EPHA1: variants seen among roughly 807,000 people sequenced by gnomAD.
EPHA1 encodes the protein EPH receptor A1, also known as ephrin type-A receptor 1.
Under a neutral mutation model 110.1 loss-of-function variants are expected in EPHA1, and 92 were observed. The observed-to-expected ratio is 0.84, with a 90% CI of 0.71 to 0.99. The LOEUF is 0.99. EPHA1 is among the 50% of genes least tolerant of loss of function. The pLI, the probability that EPHA1 is intolerant of heterozygous loss-of-function variation, is 0.00. For missense variants in EPHA1, 1,204 were observed against 1,285.4 expected, an observed-to-expected ratio of 0.94 and a Z score of 0.97; for synonymous variants, 500 against 516.1, an observed-to-expected ratio of 0.97 and a Z score of 0.42.
In EPHA1 at chr7:143,398,073, G is replaced by C. The variant is rs779045504; in HGVS notation, c.1465-3C>G. 6.2e-7 allele frequency: 1 copy of C among 1,613,898 alleles called. No individual in the cohort carries two copies. The highest frequency in any genetic ancestry group is 1.7e-5 in the Admixed American group (1 of 60,012). On this transcript the variant is annotated splice_polypyrimidine_tract_variant and splice_region_variant and intron_variant, in intron 7 of 17. Coordinates refer to ENST00000275815, the MANE Select transcript of EPHA1 (RefSeq NM_005232.5). ...ACCATCTGGTACCGTTCTTCATCCT[G>C]TGGGTTGGAGTTGCATTAAGTGGGC...
chr7:143,404,003 G>T (rs1805484481), intron 2 of EPHA1, among the ~76,000 whole-genome samples: 1 of 152,108 alleles, frequency 6.6e-6, no homozygotes, highest in Non-Finnish European at 1.5e-5. Flanking sequence ...CTTTGCTAAT[G>T]ATGTTTTGAT....
At chr7:143,405,727 G>A (rs374085929) in intron 2 of EPHA1, among the ~76,000 whole-genome samples, 1 of 152,144 alleles carries the variant, frequency 6.6e-6, no homozygotes. Flanking sequence ...TATTAGGGCT[G>A]GATCTTCCAA....
At chr7:143,406,458 G>A (rs895481104) in intron 2 of EPHA1, among the ~76,000 whole-genome samples, 8 of 152,206 alleles carry the variant, frequency 5.3e-5, no homozygotes, top group Admixed American at 3.9e-4. Context: ...TGTAATAACC[G>A]TTATAGTAAG....
chr7:143,405,790 G>A (rs1225275603), intron 2 of EPHA1, among the ~76,000 whole-genome samples: 4 of 152,170 alleles, frequency 2.6e-5, no homozygotes, highest in Non-Finnish European at 5.9e-5. Flanking sequence ...TCTAATTACA[G>A]GCTACTCTGT....
At chr7:143,402,404 G>A (rs1197055756) in intron 2 of EPHA1, among the ~76,000 whole-genome samples, 1 of 151,934 alleles carries the variant, frequency 6.6e-6, no homozygotes, top group East Asian at 1.9e-4. Context: ...TTGTTTGTTT[G>A]AGGCAAAGGT....
At chr7:143,396,832 C>T (rs557673636) in intron 10 of EPHA1, among the ~76,000 whole-genome samples, 2 of 152,322 alleles carry the variant, frequency 1.3e-5, no homozygotes, top group South Asian at 4.1e-4. Context: ...AGTCACACCT[C>T]GTTCACATTC....
chr7:143,397,514 G>A lies in EPHA1; in HGVS notation c.1712+47C>T, dbSNP rs1805287365. ...AGGGTCGTTGGGGCTGCAGTCAGGGGCTTCTGACCCAGGGCTGGTGGTTGG... is the reference window on the plus strand; with the variant it reads ...AGGGTCGTTGGGGCTGCAGTCAGGGACTTCTGACCCAGGGCTGGTGGTTGG... On this transcript the variant is annotated intron_variant, in intron 9 of 17. Coordinates refer to ENST00000275815, the MANE Select transcript of EPHA1 (RefSeq NM_005232.5). 4 of 1,605,150 alleles carry A rather than the reference G, an allele frequency of 2.5e-6. No individual in the cohort carries two copies. In the African/African-American group the frequency reaches 4.0e-5, roughly 16 times the overall value.
At position 143,393,880 on chromosome 7, in the gene EPHA1, G is replaced by C; in HGVS notation, c.2503-16C>G. The C allele has an allele frequency of 6.5e-7, 1 of 1,531,018 alleles. No homozygotes were observed. Among genetic ancestry groups the C allele is most frequent in the Non-Finnish European group, 8.8e-7 (1 of 1,137,008 alleles). 94.8% of individuals were successfully genotyped at this position (1,531,018 alleles called of 1,614,324 possible). ...TCTTCATAACCTGCACGGCGGGACA[G>C]GAGGATGCTCTAGAGTAGCAAGCTA... On this transcript the variant is annotated splice_polypyrimidine_tract_variant and intron_variant, in intron 15 of 17. Coordinates refer to ENST00000275815, the MANE Select transcript of EPHA1 (RefSeq NM_005232.5). This position sits in a 1 kb window ranked among gnomAD's most constrained non-coding sequence, Gnocchi z 5.6.
chr7:143,393,691 G>A lies in EPHA1; in HGVS notation c.2676C>T (p.Thr892=). 1 of 1,613,802 alleles carries A rather than the reference G, an allele frequency of 6.2e-7. No homozygotes were observed. The highest frequency in any genetic ancestry group is 8.5e-7 in the Non-Finnish European group (1 of 1,179,954). ...QLLANPHSLR[T]IANFDPRMTL... ...GTTACCTGGGGTCAAAGTTGGCAAT[G>A]GTCCGCAGGGAGTGGGGGTTGGCAA... is the stretch of plus-strand genomic sequence containing the variant. The change falls in exon 16 of 18, where the codon ACC becomes ACT. Residue 892 remains threonine (T), a synonymous_variant. Transcript: ENST00000275815. The surrounding 1 kb of genome is among the most constrained non-coding windows in gnomAD (Gnocchi z 5.6).
In EPHA1 at chr7:143,393,993, G is replaced by A; in HGVS notation, c.2503-129C>T. The stretch of plus-strand genomic sequence containing the variant: ...GGAGGAGGTGGGAGGACCAGGGTGG[G>A]ACGATCACAGTGGGAGGATCAGGGT... On this transcript the variant is annotated intron_variant, in intron 15 of 17. Coordinates refer to ENST00000275815, the MANE Select transcript of EPHA1 (RefSeq NM_005232.5). This position sits in a 1 kb window ranked among gnomAD's most constrained non-coding sequence, Gnocchi z 5.6. 7.9e-7 allele frequency: 1 copy of A among 1,266,176 alleles called. No individual in the cohort carries two copies. The highest frequency in any genetic ancestry group is 1.1e-6 in the Non-Finnish European group (1 of 923,912). The allele number at this position is 1,266,176 out of a possible 1,614,324, so 78.4% of individuals were successfully genotyped here. A position where few individuals can be genotyped will look rare whatever the true frequency, so the allele number is the denominator to read the frequency against.
intron 16 of EPHA1, among the ~76,000 whole-genome samples, chr7:143,392,744 C>G (rs1371885100): frequency 6.6e-6 from 1 of 152,156 alleles, no homozygotes; most frequent in Non-Finnish European, 1.5e-5. Context: ...GAGTTCGAGA[C>G]CAGCTTGGCC....
rs1332017311 is a variant in EPHA1, at chr7:143,399,427, G to A, written c.836-14C>T. 2.3e-5 allele frequency: 36 copies of A among 1,564,978 alleles called. 1 individual carries two copies. The highest frequency in any genetic ancestry group is 2.2e-4 in the East Asian group (10 of 44,458). On this transcript the variant is annotated splice_polypyrimidine_tract_variant and intron_variant, in intron 4 of 17. Coordinates refer to ENST00000275815, the MANE Select transcript of EPHA1 (RefSeq NM_005232.5). ...CGCTAGGGCAGGCTGGAGAGAGAAC[G>A]CAGCAGAGCAGTGGTTCTGTAAATG...
chr7:143,401,251 C>A lies in EPHA1; in HGVS notation c.432+73G>T. On this transcript the variant is annotated intron_variant, in intron 3 of 17. Transcript: ENST00000275815. This position sits in a 1 kb window ranked among gnomAD's most constrained non-coding sequence, Gnocchi z 4.1. The stretch of plus-strand genomic sequence containing the variant: ...CTGCACCCTCTTCCTGTCTCTGCAA[C>A]CTTCTCTGGCACCCAATAAGGAGCC... The A allele has an allele frequency of 6.4e-7, 1 of 1,554,926 alleles. No homozygotes were observed. Among genetic ancestry groups the A allele is most frequent in the East Asian group, 2.3e-5 (1 of 44,396 alleles).
chr7:143,392,881 G>A (rs551445242), intron 16 of EPHA1, among the ~76,000 whole-genome samples: 151 of 152,250 alleles, frequency 9.9e-4, no homozygotes, highest in Middle Eastern at 6.8e-3. Flanking sequence ...GGTGGAGGCT[G>A]CAGTGAGCTG....
rs751565118 is a variant in EPHA1, at chr7:143,399,398, G to T, written c.851C>A (p.Ser284Tyr). 2 of 1,592,900 alleles carry T rather than the reference G, an allele frequency of 1.3e-6. No homozygotes were observed. The highest frequency in any genetic ancestry group is 1.7e-6 in the Non-Finnish European group (2 of 1,168,994). The change falls in exon 5 of 18, where the codon TCC becomes TAC. Residue 284 changes from serine to tyrosine, a missense_variant. Coordinates refer to ENST00000275815, the MANE Select transcript of EPHA1 (RefSeq NM_005232.5). ...GGGTGTGTCCATGTCCATCCGGTAGGAGCCGCTAGGGCAGGCTGGAGAGAG... is the reference window on the plus strand; with the variant it reads ...GGGTGTGTCCATGTCCATCCGGTAGTAGCCGCTAGGGCAGGCTGGAGAGAG... ...GEACVACPSG[S>Y]YRMDMDTPHC...
chr7:143,395,538 C>T lies in EPHA1; in HGVS notation c.1898-34G>A. Reference sequence around the variant, plus strand: ...AAAGAAAACAGGCTGTGGCCCGATGCACTGCAGGGCTCCTCCAGGGGACAG... The same window carrying T: ...AAAGAAAACAGGCTGTGGCCCGATGTACTGCAGGGCTCCTCCAGGGGACAG... On this transcript the variant is annotated intron_variant, in intron 11 of 17. Transcript: ENST00000275815. The surrounding 1 kb of genome is among the most constrained non-coding windows in gnomAD (Gnocchi z 4.7). 1 of 1,603,626 alleles carries T rather than the reference C, an allele frequency of 6.2e-7. No homozygotes were observed. Among genetic ancestry groups the T allele is most frequent in the Non-Finnish European group, 8.5e-7 (1 of 1,173,090 alleles).
chr7:143,396,869 C>T (rs1490501575), intron 10 of EPHA1, among the ~76,000 whole-genome samples: 1 of 152,172 alleles, frequency 6.6e-6, no homozygotes, highest in African/African-American at 2.4e-5. Context: ...ATGGCTCCCA[C>T]CCCAGCTGCC....
Position 143,397,864 on chromosome 7 carries a change from T to G in EPHA1, c.1615+56A>C, listed in dbSNP as rs1225375087. ...TCACTACGTGGAACAGGAGCTGAGT[T>G]GCCTCAGTGAGGCAACAGGTGTATG... On this transcript the variant is annotated intron_variant, in intron 8 of 17. Coordinates refer to ENST00000275815, the MANE Select transcript of EPHA1 (RefSeq NM_005232.5). 5.6e-6 allele frequency: 9 copies of G among 1,598,336 alleles called. No homozygotes were observed. In the East Asian group the frequency reaches 2.0e-4, roughly 36 times the overall value.
In EPHA1 at chr7:143,401,700, C is replaced by A; in HGVS notation, c.151-95G>T. 6.8e-7 allele frequency: 1 copy of A among 1,478,326 alleles called. No homozygotes were observed. The highest frequency in any genetic ancestry group is 9.2e-7 in the Non-Finnish European group (1 of 1,085,442). 91.6% of individuals were successfully genotyped at this position (1,478,326 alleles called of 1,614,324 possible). A position where few individuals can be genotyped will look rare whatever the true frequency, so the allele number is the denominator to read the frequency against. ...GATGGAGAAGCAGCTGTGTCAGAGCCCCTCAGGTTTATGCTACTTGTTCTG... is the reference window on the plus strand; with the variant it reads ...GATGGAGAAGCAGCTGTGTCAGAGCACCTCAGGTTTATGCTACTTGTTCTG... On this transcript the variant is annotated intron_variant, in intron 2 of 17. Coordinates refer to ENST00000275815, the MANE Select transcript of EPHA1 (RefSeq NM_005232.5). This position sits in a 1 kb window ranked among gnomAD's most constrained non-coding sequence, Gnocchi z 4.1.
Sources: allele counts gnomAD v4.1 joint callset (sites outside exome capture counted in the v4.1 genomes callset), GRCh38; gene constraint gnomAD v4.1.1; non-coding constraint Gnocchi (gnomAD v3.1); transcripts MANE v1.5; gene names NCBI Gene and HGNC (gene_info 2026-07-23, HGNC 2026-07-21).